Variants in TMEM108 observed in about 807,000 individuals in gnomAD.
TMEM108 encodes the protein transmembrane protein 108, also known as cancer/testis antigen 124.
A neutral mutation model predicts 35.1 loss-of-function variants in TMEM108; 12 were observed. That is an observed-to-expected ratio of 0.34 (90% CI 0.22 to 0.55). The LOEUF is 0.55. TMEM108 is among the 20% of genes least tolerant of loss of function. The probability of loss-of-function intolerance (pLI) is 0.89; values close to 1 mark genes in which losing one functional copy is unlikely to be tolerated. For synonymous variants in TMEM108, 287 were observed against 308.6 expected, an observed-to-expected ratio of 0.93 and a Z score of 0.73; for missense variants, 680 against 753.3, an observed-to-expected ratio of 0.90 and a Z score of 1.14.
At chr3:133,113,189 A>G (rs1236247824) in intron 2 of TMEM108, among the ~76,000 whole-genome samples, 1 of 152,002 alleles carries the variant, frequency 6.6e-6, no homozygotes, top group Admixed American at 6.6e-5. Flanking sequence ...GGTGGCTCAT[A>G]ACACTCAGTG....
At chr3:133,378,000 C>G (rs569912739) in intron 3 of TMEM108, among the ~76,000 whole-genome samples, 15 of 152,328 alleles carry the variant, frequency 9.8e-5, no homozygotes, top group Admixed American at 2.0e-4. Context: ...CCATACCCCC[C>G]CCGACCAACT....
intron 3 of TMEM108, among the ~76,000 whole-genome samples, chr3:133,359,574 T>C (rs542472109): frequency 6.6e-6 from 1 of 152,296 alleles, no homozygotes; most frequent in East Asian, 1.9e-4. Flanking sequence ...GAAAGGTCCA[T>C]GAGGAACTGG....
At chr3:133,121,985 G>T (rs1223036402) in intron 2 of TMEM108, among the ~76,000 whole-genome samples, 1 of 152,044 alleles carries the variant, frequency 6.6e-6, no homozygotes, top group Non-Finnish European at 1.5e-5. Context: ...CTCTTCAGTT[G>T]TCCCTCTCTG....
intron 2 of TMEM108, among the ~76,000 whole-genome samples, chr3:133,103,526 C>A (rs912861405): frequency 5.9e-5 from 9 of 151,966 alleles, no homozygotes; most frequent in Non-Finnish European, 2.9e-5. Context: ...GTACAACAAC[C>A]CCCCATGATA....
chr3:133,286,455 TC>T (rs2107691939), intron 3 of TMEM108, among the ~76,000 whole-genome samples: 1 of 152,266 alleles, frequency 6.6e-6, no homozygotes, highest in South Asian at 2.1e-4. Context: ...CACCTCAGCC[TC>T]CCAAGTAGCC....
intron 1 of TMEM108, among the ~76,000 whole-genome samples, chr3:133,042,539 CAT>C (rs1199633224): frequency 6.6e-6 from 1 of 152,160 alleles, no homozygotes; most frequent in Non-Finnish European, 1.5e-5. Flanking sequence ...AGGTGATTCT[CAT>C]AAGTTATTTC....
chr3:133,051,833 C>T (rs1337347417), intron 2 of TMEM108, among the ~76,000 whole-genome samples: 5 of 152,104 alleles, frequency 3.3e-5, no homozygotes, highest in Non-Finnish European at 7.4e-5. Context: ...TTTCTAGGCT[C>T]TCTATTCTGT....
At chr3:133,146,579 G>C (rs566926264) in intron 2 of TMEM108, among the ~76,000 whole-genome samples, 3 of 152,316 alleles carry the variant, frequency 2.0e-5, no homozygotes, top group Non-Finnish European at 4.4e-5. Context: ...ATTCAGCTGT[G>C]AATCTGTCTG....
intron 2 of TMEM108, among the ~76,000 whole-genome samples, chr3:133,107,238 C>T (rs533169555): frequency 5.9e-5 from 9 of 152,224 alleles, no homozygotes; most frequent in African/African-American, 2.2e-4. Context: ...CCAAATACTT[C>T]CTGCTTCATC....
intron 2 of TMEM108, among the ~76,000 whole-genome samples, chr3:133,101,872 C>A (rs761569203): frequency 2.0e-5 from 3 of 152,142 alleles, no homozygotes; most frequent in Non-Finnish European, 2.9e-5. Flanking sequence ...GTTTGGGATT[C>A]TTTTAAACAG....
intron 2 of TMEM108, among the ~76,000 whole-genome samples, chr3:133,149,952 GGAGTGCACATATCTCTTT>G (rs1438299524): frequency 3.3e-5 from 5 of 151,958 alleles, no homozygotes; most frequent in Admixed American, 3.3e-4. Context: ...AATAAATATG[GGAGTGCACATATCTCTTT>G]GACATACTGA....
chr3:133,149,405 A>G (rs143536862), intron 2 of TMEM108, among the ~76,000 whole-genome samples: 1,568 of 152,336 alleles, frequency 0.01, 33 homozygotes, highest in African/African-American at 0.036. Flanking sequence ...AATTTTAAGT[A>G]TACAATACAT....
chr3:133,201,815 C>T (rs138097530), intron 2 of TMEM108, among the ~76,000 whole-genome samples: 44 of 152,222 alleles, frequency 2.9e-4, no homozygotes, highest in Non-Finnish European at 5.6e-4. Flanking sequence ...GGTATATACC[C>T]AGTAACAGGA....
chr3:133,338,511 A>C (rs1011023295), intron 3 of TMEM108, among the ~76,000 whole-genome samples: 2 of 152,098 alleles, frequency 1.3e-5, no homozygotes, highest in Non-Finnish European at 2.9e-5. Context: ...ACAAAAGTTA[A>C]GGGATTTCAT....
intron 3 of TMEM108, among the ~76,000 whole-genome samples, chr3:133,340,818 T>A (rs1480456783): frequency 6.6e-6 from 1 of 151,758 alleles, no homozygotes; most frequent in Non-Finnish European, 1.5e-5. Context: ...ACAAAAACCA[T>A]ATGATCATTT....
intron 2 of TMEM108, among the ~76,000 whole-genome samples, chr3:133,191,821 C>T (rs989897079): frequency 2.6e-5 from 4 of 152,112 alleles, no homozygotes; most frequent in Non-Finnish European, 5.9e-5. Flanking sequence ...GAGGCTATTA[C>T]AAGTGCCTGC....
chr3:133,133,699 T>C (rs1944524083), intron 2 of TMEM108, among the ~76,000 whole-genome samples: 1 of 151,366 alleles, frequency 6.6e-6, no homozygotes. Context: ...TTCTTTCTTT[T>C]TTTTTTTTTT....
At chr3:133,073,815 A>G (rs1943708481) in intron 2 of TMEM108, among the ~76,000 whole-genome samples, 1 of 151,742 alleles carries the variant, frequency 6.6e-6, no homozygotes, top group Non-Finnish European at 1.5e-5. Context: ...ATCCTTACCA[A>G]CACTTATCTT....
At chr3:133,097,218 C>T (rs1343436532) in intron 2 of TMEM108, among the ~76,000 whole-genome samples, 1 of 152,230 alleles carries the variant, frequency 6.6e-6, no homozygotes, top group East Asian at 1.9e-4. Context: ...TCAATTTAAA[C>T]ACCTTTTATT....
Sources: gnomAD v4.1 joint callset for allele counts (sites outside exome capture counted in the v4.1 genomes callset) on GRCh38, gnomAD v4.1.1 for gene constraint, MANE v1.5 for transcripts, NCBI Gene and HGNC (gene_info 2026-07-23, HGNC 2026-07-21) for gene names.